The following ACTL7A variants were observed in gnomAD, a reference collection of about 807,000 sequenced individuals.
ACTL7A encodes actin-like protein 7A.
ACTL7A carries 27 observed loss-of-function variants against 30.3 expected under a neutral mutation model. The ratio of observed to expected loss-of-function variants is 0.89; its 90% CI spans 0.66 to 1.23. ACTL7A has a LOEUF of 1.23. Among genes scored for constraint, ACTL7A ranks in the 50% most tolerant of loss-of-function variants. The probability of loss-of-function intolerance (pLI) is 0.00; values close to 1 mark genes in which losing one functional copy is unlikely to be tolerated. For synonymous variants in ACTL7A, 259 were observed against 241.4 expected, an observed-to-expected ratio of 1.07 and a Z score of -0.67; for missense variants, 566 against 571.8, an observed-to-expected ratio of 0.99 and a Z score of 0.10.
rs761825480 is a variant in ACTL7A, at chr9:108,862,625, G to A, written c.303G>A (p.Lys101=). 6.2e-6 allele frequency: 10 copies of A among 1,614,210 alleles called. No homozygotes were observed. Among genetic ancestry groups the A allele is most frequent in the Non-Finnish European group, 8.5e-6 (10 of 1,180,040 alleles). The change falls in exon 1 of 1, where the codon AAG becomes AAA. Residue 101 remains lysine (K), a synonymous_variant. Coordinates refer to ENST00000333999, the MANE Select transcript of ACTL7A (RefSeq NM_006687.4). ...ACAAGATCTCAACAACGGTGGGCAA[G>A]CCCTACATGGAGACCGCCAAGACTG... The part of the protein sequence containing the change: ...PTHKISTTVG[K]PYMETAKTGD...
chr9:108,862,402 C>T lies in ACTL7A; in HGVS notation c.80C>T (p.Ala27Val). The change falls in exon 1 of 1, where the codon GCC (alanine) becomes GTC (valine). Residue 27 changes from alanine (A) to valine (V), a missense_variant. Coordinates refer to ENST00000333999, the MANE Select transcript of ACTL7A (RefSeq NM_006687.4). ...AACCAGGCCCCCCTGCAGACACAGG[C>T]CCTCCAGACTGCCTCTTTAAGGGAT... Reference protein sequence around the residue: ...VGNQAPLQTQALQTASLRDGP... With the variant: ...VGNQAPLQTQVLQTASLRDGP... The T allele has an allele frequency of 3.1e-6, 5 of 1,614,088 alleles. No homozygotes were observed. Among genetic ancestry groups the T allele is most frequent in the Non-Finnish European group, 4.2e-6 (5 of 1,180,030 alleles).
In ACTL7A at chr9:108,863,334, C is replaced by A. The variant is rs745634839; in HGVS notation, c.1012C>A (p.Gln338Lys). The A allele has an allele frequency of 9.9e-6, 16 of 1,614,094 alleles. No homozygotes were observed. The highest frequency in any genetic ancestry group is 1.3e-5 in the African/African-American group (1 of 74,944). Reference sequence around the variant, plus strand: ...GTCCATGCAGCTGGGCCTCCACACCCAAACCGTGTCCTGCCTTAACAAGTG... The same window carrying A: ...GTCCATGCAGCTGGGCCTCCACACCAAAACCGTGTCCTGCCTTAACAAGTG... ...IKSMQLGLHTQTVSCLNKCDI... is the reference protein window; with the variant it reads ...IKSMQLGLHTKTVSCLNKCDI... Residue 338 changes from glutamine to lysine, a missense_variant, in exon 1 of 1, where the codon CAA (glutamine) becomes AAA (lysine). Gln to Lys is a moderately conservative substitution (Grantham distance 53). Coordinates refer to ENST00000333999, the MANE Select transcript of ACTL7A (RefSeq NM_006687.4).
In ACTL7A at chr9:108,862,368, A is replaced by T; in HGVS notation, c.46A>T (p.Lys16Ter). Residue 16 changes from lysine to a stop codon, truncating the protein, a stop_gained, in exon 1 of 1, where the codon AAG (lysine) becomes TAG (stop). Transcript: ENST00000333999. LOFTEE classifies it high-confidence loss of function. ...AATCATGGGGGATGGGCCCACCAAG[A>T]AGGTGGGCAACCAGGCCCCCCTGCA... is the stretch of plus-strand genomic sequence containing the variant. ...AAIMGDGPTK[K>*]VGNQAPLQTQ... 1 of 1,613,746 alleles carries T rather than the reference A, an allele frequency of 6.2e-7. No homozygotes were observed. Among genetic ancestry groups the T allele is most frequent in the Non-Finnish European group, 8.5e-7 (1 of 1,179,936 alleles).
Position 108,863,554 on chromosome 9 carries a change from G to A in ACTL7A, c.1232G>A (p.Gly411Asp), listed in dbSNP as rs778577594. The stretch of plus-strand genomic sequence containing the variant: ...GGCTCCATCCTGGCCTCACTTCAGG[G>A]TTTCCAACCATTGTGGGTCCACCGC... The part of the protein sequence containing the change: ...TGGSILASLQ[G>D]FQPLWVHRFE... The change falls in exon 1 of 1, where the codon GGT (glycine) becomes GAT (aspartate). Residue 411 changes from glycine (G) to aspartate (D), a missense_variant. Coordinates refer to ENST00000333999, the MANE Select transcript of ACTL7A (RefSeq NM_006687.4). 1 of 1,614,204 alleles carries A rather than the reference G, an allele frequency of 6.2e-7. No individual in the cohort carries two copies. Among genetic ancestry groups the A allele is most frequent in the South Asian group, 1.1e-5 (1 of 91,086 alleles).
In ACTL7A at chr9:108,863,096, C is replaced by T; in HGVS notation, c.774C>T (p.Asn258=). Residue 258 remains asparagine (N), a synonymous_variant, in exon 1 of 1, where the codon AAC becomes AAT. Coordinates refer to ENST00000333999, the MANE Select transcript of ACTL7A (RefSeq NM_006687.4). ...CAGCCTACCTGCTGGGCCTGCTGAACAGTGCGGGGAACGAATTCACCCAGG... is the reference window on the plus strand; with the variant it reads ...CAGCCTACCTGCTGGGCCTGCTGAATAGTGCGGGGAACGAATTCACCCAGG... The part of the protein sequence containing the change: ...DLTAYLLGLL[N]SAGNEFTQDQ... 1.2e-6 allele frequency: 2 copies of T among 1,614,170 alleles called. No individual in the cohort carries two copies. Among genetic ancestry groups the T allele is most frequent in the Middle Eastern group, 1.6e-4 (1 of 6,062 alleles).
chr9:108,862,837 C>A lies in ACTL7A; in HGVS notation c.515C>A (p.Pro172Gln). Residue 172 changes from proline to glutamine, a missense_variant, in exon 1 of 1, where the codon CCG becomes CAG. Physicochemically the swap from Pro to Gln is moderately conservative, Grantham distance 76. Coordinates refer to ENST00000333999, the MANE Select transcript of ACTL7A (RefSeq NM_006687.4). ...GAGCATGCGGTCTTGGTTTCAGACC[C>A]GCCACTGAGCCCACACACCAACAGA... is the stretch of plus-strand genomic sequence containing the variant. ...PEEHAVLVSD[P>Q]PLSPHTNREK... 1 of 1,613,966 alleles carries A rather than the reference C, an allele frequency of 6.2e-7. No homozygotes were observed. The highest frequency in any genetic ancestry group is 2.2e-5 in the East Asian group (1 of 44,878).
chr9:108,862,827 G>C lies in ACTL7A; in HGVS notation c.505G>C (p.Val169Leu). The C allele has an allele frequency of 6.2e-7, 1 of 1,602,272 alleles. No individual in the cohort carries two copies. Among genetic ancestry groups the C allele is most frequent in the Non-Finnish European group, 8.5e-7 (1 of 1,174,528 alleles). Residue 169 changes from valine to leucine, a missense_variant, in exon 1 of 1, where the codon GTT becomes CTT. By Grantham distance (32) the Val-to-Leu change is conservative. Transcript: ENST00000333999. ...CGCCCCGGAGGAGCATGCGGTCTTG[G>C]TTTCAGACCCGCCACTGAGCCCACA... Reference protein sequence around the residue: ...KIAPEEHAVLVSDPPLSPHTN... With the variant: ...KIAPEEHAVLLSDPPLSPHTN...
Position 108,862,442 on chromosome 9 carries a change from G to A in ACTL7A, c.120G>A (p.Arg40=), listed in dbSNP as rs770515602. ...TASLRDGPAK[R]AVWVRHTSSE... is the part of the protein sequence containing the mutation. Reference sequence around the variant, plus strand: ...CTTTAAGGGATGGCCCGGCGAAGCGGGCCGTGTGGGTCCGCCATACGAGTT... The same window carrying A: ...CTTTAAGGGATGGCCCGGCGAAGCGAGCCGTGTGGGTCCGCCATACGAGTT... Residue 40 remains arginine, a synonymous_variant, in exon 1 of 1, where the codon CGG becomes CGA. Coordinates refer to ENST00000333999, the MANE Select transcript of ACTL7A (RefSeq NM_006687.4). The A allele has an allele frequency of 8.7e-6, 14 of 1,613,994 alleles. No individual in the cohort carries two copies. The Admixed American group carries it at 1.5e-4, about 17-fold the overall frequency.
At position 108,863,225 on chromosome 9, in the gene ACTL7A, C is replaced by T. The variant is rs112308139; in HGVS notation, c.903C>T (p.Tyr301=). ...KVPLSEHTIR[Y]VLPDGKEIQL... ...CTCTCAGTGAGCATACGATCCGCTA[C>T]GTGCTGCCGGATGGGAAGGAGATTC... is the stretch of plus-strand genomic sequence containing the variant. Residue 301 remains tyrosine, a synonymous_variant, in exon 1 of 1, where the codon TAC becomes TAT. Coordinates refer to ENST00000333999, the MANE Select transcript of ACTL7A (RefSeq NM_006687.4). 2.6e-4 allele frequency: 422 copies of T among 1,614,144 alleles called. 3 individuals are homozygous for T. In the African/African-American group the frequency reaches 4.9e-3, roughly 19 times the overall value.
chr9:108,863,068 T>C lies in ACTL7A; in HGVS notation c.746T>C (p.Leu249Pro), dbSNP rs747753886. Residue 249 changes from leucine to proline, a missense_variant, in exon 1 of 1, where the codon CTG becomes CCG. Coordinates refer to ENST00000333999, the MANE Select transcript of ACTL7A (RefSeq NM_006687.4). Reference protein sequence around the residue: ...TGRLDYAGSDLTAYLLGLLNS... With the variant: ...TGRLDYAGSDPTAYLLGLLNS... Reference sequence around the variant, plus strand: ...AGGCTGGACTACGCGGGCTCTGACCTGACAGCCTACCTGCTGGGCCTGCTG... The same window carrying C: ...AGGCTGGACTACGCGGGCTCTGACCCGACAGCCTACCTGCTGGGCCTGCTG... 6.2e-7 allele frequency: 1 copy of C among 1,614,180 alleles called. No individual in the cohort carries two copies. The highest frequency in any genetic ancestry group is 8.5e-7 in the Non-Finnish European group (1 of 1,180,028).
chr9:108,862,871 T>C lies in ACTL7A; in HGVS notation c.549T>C (p.Tyr183=), dbSNP rs748360109. Residue 183 remains tyrosine (Y), a synonymous_variant, in exon 1 of 1, where the codon TAT becomes TAC. Transcript: ENST00000333999. ...GCCCACACACCAACAGAGAGAAATA[T>C]GCTGAAATGCTGTTTGAAGCCTTCA... ...PLSPHTNREK[Y]AEMLFEAFNT... is the part of the protein sequence containing the mutation. The C allele has an allele frequency of 2.5e-6, 4 of 1,613,382 alleles. No individual in the cohort carries two copies. The highest frequency in any genetic ancestry group is 3.4e-6 in the Non-Finnish European group (4 of 1,179,536).
rs200133779 is a variant in ACTL7A at position 108,863,662 on chromosome 9, T to C, written c.*32T>C. 3.8e-6 allele frequency: 6 copies of C among 1,569,508 alleles called. No individual in the cohort carries two copies. In the East Asian group the frequency reaches 6.7e-5, roughly 18 times the overall value. On this transcript the variant is annotated 3_prime_UTR_variant, in exon 1 of 1. Coordinates refer to ENST00000333999, the MANE Select transcript of ACTL7A (RefSeq NM_006687.4). ...ACGAGGATGGACACTGCACTGGCAG[T>C]GCCTACCCTCGACAGGGTGAGCGCA...
At position 108,862,309 on chromosome 9, in the gene ACTL7A, C is replaced by A; in HGVS notation, c.-14C>A. 6.3e-7 allele frequency: 1 copy of A among 1,593,826 alleles called. No homozygotes were observed. The highest frequency in any genetic ancestry group is 2.2e-5 in the East Asian group (1 of 44,692). On this transcript the variant is annotated 5_prime_UTR_variant, in exon 1 of 1. Coordinates refer to ENST00000333999, the MANE Select transcript of ACTL7A (RefSeq NM_006687.4). ...GATTGAGAACTTTCTAAGAGTGGTG[C>A]GGCTCTTGACAACATGTGGGCTCCA...
In ACTL7A at chr9:108,863,088, C is replaced by A. The variant is rs766322447; in HGVS notation, c.766C>A (p.Leu256Met). 6.2e-7 allele frequency: 1 copy of A among 1,614,146 alleles called. No individual in the cohort carries two copies. The highest frequency in any genetic ancestry group is 1.7e-5 in the Admixed American group (1 of 60,026). Residue 256 changes from leucine (L) to methionine (M), a missense_variant, in exon 1 of 1, where the codon CTG becomes ATG. Leu to Met is a conservative substitution (Grantham distance 15). Transcript: ENST00000333999. ...TGACCTGACAGCCTACCTGCTGGGC[C>A]TGCTGAACAGTGCGGGGAACGAATT... ...GSDLTAYLLG[L>M]LNSAGNEFTQ...
rs752334307 is a variant in ACTL7A, at chr9:108,863,405, C to CG, written c.1088dup (p.Ser364GlnfsTer9). 99 of 1,614,026 alleles carry CG rather than the reference C, an allele frequency of 6.1e-5. No individual in the cohort carries two copies. Among genetic ancestry groups the CG allele is most frequent in the Non-Finnish European group, 7.6e-5 (90 of 1,180,014 alleles). On this transcript the variant is annotated frameshift_variant, in exon 1 of 1. Transcript: ENST00000333999. LOFTEE classifies it high-confidence loss of function. ...ACCTCATGGGGAACATCCTGCTCTG[C>CG]GGGGGCAGCACGATGCTCAGTGGCT...
Position 108,862,978 on chromosome 9 carries a change from T to C in ACTL7A, c.656T>C (p.Val219Ala), listed in dbSNP as rs1421718869. 2 of 1,609,090 alleles carry C rather than the reference T, an allele frequency of 1.2e-6. No homozygotes were observed. The highest frequency in any genetic ancestry group is 1.3e-5 in the African/African-American group (1 of 74,808). The part of the protein sequence containing the change: ...YGRTSGLVVE[V>A]GHGVSYVVPI... ...AGGACCTCCGGCCTGGTGGTGGAGGTGGGCCATGGCGTGTCCTACGTGGTC... is the reference window on the plus strand; with the variant it reads ...AGGACCTCCGGCCTGGTGGTGGAGGCGGGCCATGGCGTGTCCTACGTGGTC... Residue 219 changes from valine to alanine, a missense_variant, in exon 1 of 1, where the codon GTG (valine) becomes GCG (alanine). By Grantham distance (64) the Val-to-Ala change is moderately conservative. Transcript: ENST00000333999.
rs1159471897 is a variant in ACTL7A at position 108,862,339 on chromosome 9, C to A, written c.17C>A (p.Ala6Glu). Residue 6 changes from alanine (A) to glutamate (E), a missense_variant, in exon 1 of 1, where the codon GCA becomes GAA. Ala to Glu is a moderately radical substitution (Grantham distance 107). Coordinates refer to ENST00000333999, the MANE Select transcript of ACTL7A (RefSeq NM_006687.4). MWAPP[A>E]AIMGDGPTKK... ...CTTGACAACATGTGGGCTCCACCAGCAGCAATCATGGGGGATGGGCCCACC... is the reference window on the plus strand; with the variant it reads ...CTTGACAACATGTGGGCTCCACCAGAAGCAATCATGGGGGATGGGCCCACC... 3 of 1,610,362 alleles carry A rather than the reference C, an allele frequency of 1.9e-6. No individual in the cohort carries two copies. In the African/African-American group the frequency reaches 4.0e-5, roughly 22 times the overall value.
chr9:108,863,393 C>CA lies in ACTL7A; in HGVS notation c.1072dup (p.Ile358AsnfsTer15), dbSNP rs760728125. 3.7e-5 allele frequency: 59 copies of CA among 1,614,076 alleles called. No homozygotes were observed. Among genetic ancestry groups the CA allele is most frequent in the Admixed American group, 1.0e-4 (6 of 60,008 alleles). Reference sequence around the variant, plus strand: ...CCCTCAAACGGGACCTCATGGGGAACATCCTGCTCTGCGGGGGCAGCACGA... The same window carrying CA: ...CCCTCAAACGGGACCTCATGGGGAACAATCCTGCTCTGCGGGGGCAGCACGA... On this transcript the variant is annotated frameshift_variant, in exon 1 of 1. Transcript: ENST00000333999. LOFTEE classifies it high-confidence loss of function.
rs752301041 is a variant in ACTL7A, at chr9:108,863,525, C to T, written c.1203C>T (p.Thr401=). Residue 401 remains threonine, a synonymous_variant, in exon 1 of 1, where the codon ACC becomes ACT. Coordinates refer to ENST00000333999, the MANE Select transcript of ACTL7A (RefSeq NM_006687.4). ...VLPERDSAVW[T]GGSILASLQG... ...CTGAAAGAGACAGTGCCGTGTGGAC[C>T]GGTGGCTCCATCCTGGCCTCACTTC... The T allele has an allele frequency of 7.4e-6, 12 of 1,614,030 alleles. No homozygotes were observed. The highest frequency in any genetic ancestry group is 1.7e-5 in the Admixed American group (1 of 60,004).
Sources: allele counts gnomAD v4.1 joint callset, GRCh38; gene constraint gnomAD v4.1.1; transcripts MANE v1.5; gene names NCBI Gene and HGNC (gene_info 2026-07-23, HGNC 2026-07-21).